Variants in MBD2 observed in about 807,000 individuals in gnomAD.
The protein encoded by MBD2 is methyl-CpG binding domain protein 2.
MBD2 carries 9 observed loss-of-function variants against 39.3 expected under a neutral mutation model. The ratio of observed to expected loss-of-function variants is 0.23; its 90% CI spans 0.14 to 0.40. The LOEUF (loss-of-function observed/expected upper bound fraction) is 0.40. MBD2 is among the 10% of genes least tolerant of loss of function. MBD2 has a pLI of 1.00. For synonymous variants in MBD2, 233 were observed against 211.1 expected (o/e 1.10, Z -0.90); for missense variants, 458 against 532.6 (o/e 0.86, Z 1.38).
chr18:54,200,084 T>C (rs1568088707), intron 2 of MBD2, among the ~76,000 whole-genome samples: 1 of 152,202 alleles, frequency 6.6e-6, no homozygotes, highest in Non-Finnish European at 1.5e-5. Flanking sequence ...ACCAAGATCA[T>C]TCATGAGAAA....
chr18:54,180,011 CTT>C (rs1419970596), intron 3 of MBD2, among the ~76,000 whole-genome samples: 5 of 151,972 alleles, frequency 3.3e-5, no homozygotes, highest in African/African-American at 1.2e-4. Context: ...TCATAGGTGA[CTT>C]AATAATTTAG....
chr18:54,174,514 T>C (rs944054022), intron 3 of MBD2, among the ~76,000 whole-genome samples: 6 of 152,184 alleles, frequency 3.9e-5, no homozygotes, highest in Non-Finnish European at 8.8e-5. Flanking sequence ...TTTTTTTTAC[T>C]GCCAGACAAC....
intron 1 of MBD2, among the ~76,000 whole-genome samples, chr18:54,213,010 C>T (rs1199659854): frequency 8.2e-6 from 1 of 121,804 alleles, no homozygotes; most frequent in East Asian, 2.4e-4. Flanking sequence ...CCAGCCTGGG[C>T]AACAGAGCAA....
chr18:54,203,786 CTG>C lies in MBD2; in HGVS notation c.702+1210_702+1211del, dbSNP rs1307713420. Among the ~76,000 whole-genome samples the C allele has an allele frequency of 9.9e-5, 15 of 152,282 alleles. No individual in the cohort carries two copies. In the South Asian group the frequency reaches 2.9e-3, roughly 29 times the overall value. On this transcript the variant is annotated intron_variant, in intron 2 of 6. Coordinates refer to ENST00000256429, the MANE Select transcript of MBD2 (RefSeq NM_003927.5). Reference sequence around the variant, plus strand: ...TTCCAATGCAGGCCACCAGGCAACACTGTTCACCAAGGTGGCTTGGTGCTCAG... The same window carrying C: ...TTCCAATGCAGGCCACCAGGCAACACTTCACCAAGGTGGCTTGGTGCTCAG...
intron 1 of MBD2, among the ~76,000 whole-genome samples, chr18:54,211,318 A>C (rs886593104): frequency 3.9e-5 from 6 of 152,028 alleles, no homozygotes; most frequent in African/African-American, 1.4e-4. Flanking sequence ...TGAAATTAGA[A>C]TTATTGTTTT....
intron 1 of MBD2, among the ~76,000 whole-genome samples, chr18:54,209,170 C>T (rs2086478560): frequency 6.6e-6 from 1 of 151,824 alleles, no homozygotes; most frequent in Admixed American, 6.6e-5. Flanking sequence ...GCGGCGTGCG[C>T]CCGTAATCCC....
intron 2 of MBD2, among the ~76,000 whole-genome samples, chr18:54,191,436 G>C (rs1176867739): frequency 1.3e-5 from 2 of 152,162 alleles, no homozygotes; most frequent in African/African-American, 4.8e-5. Flanking sequence ...TAAAAATCTA[G>C]AGTCTTCATA....
At chr18:54,176,590 C>T (rs541321269) in intron 3 of MBD2, among the ~76,000 whole-genome samples, 3 of 152,306 alleles carry the variant, frequency 2.0e-5, no homozygotes, top group Admixed American at 6.5e-5. Flanking sequence ...GTTAGGGCTA[C>T]GTGGATGAAT....
intron 3 of MBD2, among the ~76,000 whole-genome samples, chr18:54,171,028 T>C (rs1475965173): frequency 6.6e-6 from 1 of 152,166 alleles, no homozygotes; most frequent in African/African-American, 2.4e-5. Context: ...AAAGCTAGTT[T>C]TATTTTTTTT....
intron 1 of MBD2, among the ~76,000 whole-genome samples, chr18:54,221,935 T>C (rs1256406956): frequency 1.3e-5 from 2 of 152,154 alleles, no homozygotes; most frequent in Non-Finnish European, 1.5e-5. Flanking sequence ...CCAAAGTCAG[T>C]CTGAACAAAA....
chr18:54,155,318 A>T lies in MBD2; in HGVS notation c.*13-7T>A, dbSNP rs1052594654. The stretch of plus-strand genomic sequence containing the variant: ...AAAGTCGGTCGAAAGTTACCTGTTA[A>T]AAAAAAAAAAAAAAGAACAAACTTA... On this transcript the variant is annotated splice_polypyrimidine_tract_variant and splice_region_variant and intron_variant, in intron 6 of 6. Transcript: ENST00000256429. The T allele has an allele frequency of 7.9e-5, 4 of 50,774 alleles. No individual in the cohort carries two copies. The highest frequency in any genetic ancestry group is 8.6e-4 in the South Asian group (1 of 1,168). 3.1% of individuals were successfully genotyped at this position (50,774 alleles called of 1,614,324 possible).
intron 2 of MBD2, among the ~76,000 whole-genome samples, chr18:54,201,724 G>A (rs931363698): frequency 2.4e-4 from 36 of 152,008 alleles, no homozygotes; most frequent in African/African-American, 6.5e-4. Flanking sequence ...TTAGCCGGGC[G>A]TGGTGGCGGG....
intron 5 of MBD2, among the ~76,000 whole-genome samples, chr18:54,160,771 G>T (rs1186707555): frequency 2.6e-5 from 4 of 151,838 alleles, no homozygotes; most frequent in Admixed American, 2.0e-4. Context: ...AAGTAGAGAA[G>T]CAAAGGTTGA....
intron 2 of MBD2, among the ~76,000 whole-genome samples, chr18:54,194,723 G>A (rs2086352056): frequency 6.6e-6 from 1 of 151,966 alleles, no homozygotes; most frequent in South Asian, 2.1e-4. Context: ...ACATTAATGA[G>A]TAGATAGAAT....
chr18:54,202,701 T>G, intron 2 of MBD2: 1 of 1,175,794 alleles, frequency 8.5e-7, no homozygotes, highest in Non-Finnish European at 1.1e-6. Context: ...ATAATTTATT[T>G]ATTTAATAAA....
intron 5 of MBD2, among the ~76,000 whole-genome samples, chr18:54,163,145 G>T (rs1312801464): frequency 6.6e-6 from 1 of 151,974 alleles, no homozygotes; most frequent in Non-Finnish European, 1.5e-5. Context: ...AGTGGCGCTC[G>T]CCTGTAGTCC....
In MBD2 at chr18:54,205,547, C is replaced by T. The variant is rs568099946; in HGVS notation, c.543-390G>A. On this transcript the variant is annotated intron_variant, in intron 1 of 6. Transcript: ENST00000256429. ...TGGAGGTTGCAGTGAGCCAAGATCG[C>T]GTCACTGTACTCCAGCCTGGGCAAC... Among the ~76,000 whole-genome samples the T allele has an allele frequency of 2.7e-5, 4 of 147,102 alleles. No homozygotes were observed. In the South Asian group the frequency reaches 6.5e-4, roughly 24 times the overall value.
In MBD2 at chr18:54,164,707, T is replaced by A. The variant is rs2086118564; in HGVS notation, c.932-7A>T. 1.3e-6 allele frequency: 2 copies of A among 1,594,884 alleles called. No homozygotes were observed. Among genetic ancestry groups the A allele is most frequent in the Non-Finnish European group, 1.7e-6 (2 of 1,163,782 alleles). ...TTGCTACCTGGACCAACTCCTGCAA[T>A]GAGAAACAAGTACTAGTTAAAGGAA... On this transcript the variant is annotated splice_region_variant and splice_polypyrimidine_tract_variant and intron_variant, in intron 4 of 6. Coordinates refer to ENST00000256429, the MANE Select transcript of MBD2 (RefSeq NM_003927.5).
At chr18:54,164,856 T>C (rs1005743244) in intron 4 of MBD2, among the ~76,000 whole-genome samples, 156 bp from the exon 5 acceptor site, 2 of 152,330 alleles carry the variant, frequency 1.3e-5, no homozygotes, top group Non-Finnish European at 2.9e-5. Flanking sequence ...ATCTACTTAA[T>C]AGATATGACA....
Sources: allele counts gnomAD v4.1 joint callset (sites outside exome capture counted in the v4.1 genomes callset), GRCh38; gene constraint gnomAD v4.1.1; transcripts MANE v1.5; gene names NCBI Gene and HGNC (gene_info 2026-07-23, HGNC 2026-07-21).